The following DLGAP1 variants were observed in gnomAD, a reference collection of about 807,000 sequenced individuals.
DLGAP1 encodes the protein disks large-associated protein 1.
Under a neutral mutation model 90.8 loss-of-function variants are expected in DLGAP1, and 11 were observed. That is an observed-to-expected ratio of 0.12 (90% CI 0.08 to 0.20). The LOEUF (loss-of-function observed/expected upper bound fraction) is 0.20, where lower values mean the gene tolerates loss of function less well. Ranked by LOEUF, DLGAP1 falls within the 10% of genes least tolerant of loss-of-function variation. The pLI is 1.00. For synonymous variants in DLGAP1, 558 were observed against 540.7 expected, an observed-to-expected ratio of 1.03 and a Z score of -0.44; for missense variants, 1,050 against 1,333.8, an observed-to-expected ratio of 0.79 and a Z score of 3.31.
At chr18:3,802,935 G>C (rs986559215) in intron 5 of DLGAP1, among the ~76,000 whole-genome samples, 3 of 152,086 alleles carry the variant, frequency 2.0e-5, no homozygotes, top group Non-Finnish European at 2.9e-5. Flanking sequence ...TCATCTTTGA[G>C]GATCCTTTTA....
chr18:4,345,094 C>T (rs754068016), intron 1 of DLGAP1, among the ~76,000 whole-genome samples: 4 of 152,114 alleles, frequency 2.6e-5, no homozygotes, highest in Non-Finnish European at 4.4e-5. Context: ...TCTCAACATC[C>T]GTCCACCCAA....
chr18:4,326,900 A>T (rs776482827), intron 1 of DLGAP1, among the ~76,000 whole-genome samples: 2 of 152,052 alleles, frequency 1.3e-5, no homozygotes, highest in African/African-American at 4.8e-5. Flanking sequence ...CCTATTGAGT[A>T]CTATACCTAT....
At chr18:4,039,865 T>A (rs907024896) in intron 2 of DLGAP1, among the ~76,000 whole-genome samples, 1 of 152,236 alleles carries the variant, frequency 6.6e-6, no homozygotes, top group East Asian at 1.9e-4. Context: ...GTGTGAAAGT[T>A]CTTTTTACAA....
At chr18:3,510,000 G>T (rs1379113832) in intron 10 of DLGAP1, among the ~76,000 whole-genome samples, 2 of 152,146 alleles carry the variant, frequency 1.3e-5, no homozygotes, top group African/African-American at 2.4e-5. Context: ...GGTCTCCCTT[G>T]ACAGCTGTCT....
chr18:4,054,507 G>C (rs898623852), intron 2 of DLGAP1, among the ~76,000 whole-genome samples: 40 of 152,160 alleles, frequency 2.6e-4, no homozygotes, highest in Non-Finnish European at 5.1e-4. Flanking sequence ...CTACACAACA[G>C]TACACATAGA....
intron 9 of DLGAP1, among the ~76,000 whole-genome samples, chr18:3,535,535 G>A (rs1042520079): frequency 2.0e-5 from 3 of 151,168 alleles, no homozygotes; most frequent in South Asian, 2.1e-4. Context: ...GTGAAACCCC[G>A]TATCTACCAA....
chr18:4,219,889 AAT>A (rs2078039509), intron 1 of DLGAP1, among the ~76,000 whole-genome samples: 1 of 152,084 alleles, frequency 6.6e-6, no homozygotes, highest in Admixed American at 6.6e-5. Context: ...ACATCTTTGT[AAT>A]AGATTCTGAA....
chr18:4,121,911 C>A (rs1319784804), intron 2 of DLGAP1, among the ~76,000 whole-genome samples: 1 of 152,262 alleles, frequency 6.6e-6, no homozygotes, highest in South Asian at 2.1e-4. Flanking sequence ...TCATTTAATA[C>A]CCATGACAAA....
intron 7 of DLGAP1, among the ~76,000 whole-genome samples, chr18:3,670,805 T>A (rs1443446762): frequency 6.6e-6 from 1 of 152,234 alleles, no homozygotes; most frequent in Non-Finnish European, 1.5e-5. Flanking sequence ...AAACCTGCTT[T>A]CTTTGGTTGG....
intron 4 of DLGAP1, chr18:3,845,410 GT>G (rs2068952139): frequency 7.3e-7 from 1 of 1,378,862 alleles, no homozygotes; most frequent in Admixed American, 2.7e-5. Flanking sequence ...AGAGTGGTTG[GT>G]CATGGCTCAC....
In DLGAP1 at chr18:3,793,030, A is replaced by G. The variant is rs146258433; in HGVS notation, c.1172+21029T>C. ...TTTCACTAGGAGTCTCAAGGCCCTC[A>G]GTAAGTATCACAGCTCACAAGTGCG... On this transcript the variant is annotated intron_variant, in intron 5 of 12. Coordinates refer to ENST00000315677, the MANE Select transcript of DLGAP1 (RefSeq NM_004746.4). Among the ~76,000 whole-genome samples, 597 of 152,272 alleles carry G rather than the reference A, an allele frequency of 3.9e-3. 1 individual carries two copies. Among genetic ancestry groups the G allele is most frequent in the Non-Finnish European group, 6.7e-3 (458 of 68,008 alleles).
At chr18:3,637,014 C>T (rs1310601647) in intron 7 of DLGAP1, among the ~76,000 whole-genome samples, 2 of 151,906 alleles carry the variant, frequency 1.3e-5, no homozygotes, top group African/African-American at 4.8e-5. Flanking sequence ...TTAGCCACTG[C>T]GCCCGGCCAC....
At chr18:3,514,834 G>A (rs1320160222) in intron 10 of DLGAP1, among the ~76,000 whole-genome samples, 1 of 152,220 alleles carries the variant, frequency 6.6e-6, no homozygotes, top group African/African-American at 2.4e-5. Flanking sequence ...GTGGATGGCT[G>A]CTGTGATCAA....
At chr18:3,652,580 C>T (rs111537507) in intron 7 of DLGAP1, among the ~76,000 whole-genome samples, 1 of 152,180 alleles carries the variant, frequency 6.6e-6, no homozygotes, top group African/African-American at 2.4e-5. Context: ...TGGCCTCAAG[C>T]TATTTTCCTG....
chr18:4,267,707 A>G (rs2079161324), intron 1 of DLGAP1, among the ~76,000 whole-genome samples: 1 of 152,196 alleles, frequency 6.6e-6, no homozygotes, highest in Admixed American at 6.5e-5. Flanking sequence ...AGGATCGCAC[A>G]TGAGGCTGCA....
chr18:4,125,655 G>A (rs769920715), intron 2 of DLGAP1, among the ~76,000 whole-genome samples: 1 of 97,154 alleles, frequency 1.0e-5, no homozygotes. Context: ...ACAAACAAAC[G>A]AAAAACAAAA....
chr18:4,110,955 C>G (rs1042780789), intron 2 of DLGAP1, among the ~76,000 whole-genome samples: 3 of 152,146 alleles, frequency 2.0e-5, no homozygotes, highest in African/African-American at 7.2e-5. Context: ...AAAGTCCTAT[C>G]GACTTACAAA....
intron 4 of DLGAP1, chr18:3,845,146 A>C (rs2068936957): frequency 6.6e-7 from 1 of 1,521,496 alleles, no homozygotes; most frequent in Non-Finnish European, 9.0e-7. Context: ...AGTATGTTAA[A>C]AGAAAGATGA....
chr18:3,576,150 C>T (rs113830987), intron 8 of DLGAP1, among the ~76,000 whole-genome samples: 1,849 of 152,238 alleles, frequency 0.012, 31 homozygotes, highest in African/African-American at 0.042. Context: ...TGGTTTCCAG[C>T]TGTGTTCTAA....
Sources: gnomAD v4.1 joint callset for allele counts (sites outside exome capture counted in the v4.1 genomes callset) on GRCh38, gnomAD v4.1.1 for gene constraint, MANE v1.5 for transcripts, NCBI Gene and HGNC (gene_info 2026-07-23, HGNC 2026-07-21) for gene names.